Variants in NAV2 observed in about 807,000 individuals in gnomAD.
NAV2 encodes neuron navigator 2.
NAV2 carries 54 observed loss-of-function variants against 223.2 expected under a neutral mutation model. That is an observed-to-expected ratio of 0.24 (90% confidence interval 0.19 to 0.30). The LOEUF (loss-of-function observed/expected upper bound fraction) is 0.30. NAV2 is among the 10% of genes least tolerant of loss of function. NAV2 has a pLI of 1.00. For synonymous variants in NAV2, 1,279 were observed against 1,239.3 expected (o/e 1.03, Z -0.67); for missense variants, 2,806 against 3,147.5 (o/e 0.89, Z 2.60).
intron 1 of NAV2, among the ~76,000 whole-genome samples, chr11:19,791,028 C>T (rs1296820153): frequency 1.3e-5 from 2 of 151,888 alleles, no homozygotes; most frequent in Non-Finnish European, 2.9e-5. Flanking sequence ...CTATTATTAT[C>T]CTAATATGAT....
At chr11:19,873,838 G>A (rs1030509918) in intron 4 of NAV2, among the ~76,000 whole-genome samples, 1 of 152,178 alleles carries the variant, frequency 6.6e-6, no homozygotes. Context: ...CAGACTTGGA[G>A]AGCAGCAAGA....
chr11:19,668,440 C>T (rs57360640), intron 1 of NAV2, among the ~76,000 whole-genome samples: 77 of 140,396 alleles, frequency 5.5e-4, no homozygotes, highest in African/African-American at 1.8e-3. Context: ...GGCTGAGGCA[C>T]GAGAATCTCT....
At chr11:20,022,749 A>G in intron 11 of NAV2, 1 of 1,098,214 alleles carries the variant, frequency 9.1e-7, no homozygotes, top group Non-Finnish European at 1.1e-6. Flanking sequence ...CGCTGTTGCA[A>G]ACTCCCCTGG....
At chr11:19,435,135 T>C (rs1293115467) in intron 1 of NAV2, among the ~76,000 whole-genome samples, 3 of 152,186 alleles carry the variant, frequency 2.0e-5, no homozygotes, top group African/African-American at 7.2e-5. Flanking sequence ...TTTTGAAATG[T>C]ACAATACATT....
At chr11:19,524,092 AC>A (rs2043767236) in intron 1 of NAV2, among the ~76,000 whole-genome samples, 1 of 151,758 alleles carries the variant, frequency 6.6e-6, no homozygotes, top group Admixed American at 6.6e-5. Context: ...CTGTTTGTTC[AC>A]CTCTCTATCT....
rs1361992418 is a variant in NAV2, at chr11:19,585,203, C to T, written c.75+234176C>T. On this transcript the variant is annotated intron_variant, in intron 1 of 37. Transcript: ENST00000360655. ...TTTATCAGAGACTAGGATTGCAACCCCTGCCTTTTTTTCTTTTCCATTTGC... is the reference window on the plus strand; with the variant it reads ...TTTATCAGAGACTAGGATTGCAACCTCTGCCTTTTTTTCTTTTCCATTTGC... 2.0e-5 allele frequency among the ~76,000 whole-genome samples: 3 copies of T among 152,188 alleles called. No individual in the cohort carries two copies. In the East Asian group the frequency reaches 5.8e-4, roughly 29 times the overall value.
chr11:19,521,103 A>C (rs551219911), intron 1 of NAV2, among the ~76,000 whole-genome samples: 2 of 152,300 alleles, frequency 1.3e-5, no homozygotes, highest in East Asian at 3.9e-4. Context: ...GGGCGTGGTG[A>C]TGGGCCTTGG....
chr11:19,745,002 A>C (rs551230745), intron 1 of NAV2, among the ~76,000 whole-genome samples: 1 of 152,330 alleles, frequency 6.6e-6, no homozygotes, highest in Non-Finnish European at 1.5e-5. Flanking sequence ...TGAAAGCATA[A>C]TTATTGGATC....
intron 1 of NAV2, among the ~76,000 whole-genome samples, chr11:19,529,060 G>GTT (rs2043941971): frequency 2.6e-5 from 4 of 152,102 alleles, no homozygotes; most frequent in African/African-American, 9.6e-5. Context: ...TGGCACGTGC[G>GTT]TGCACACACA....
At chr11:19,508,660 C>T (rs1354054663) in intron 1 of NAV2, among the ~76,000 whole-genome samples, 3 of 152,178 alleles carry the variant, frequency 2.0e-5, no homozygotes, top group Non-Finnish European at 4.4e-5. Flanking sequence ...CCAACAGCCA[C>T]CTGTCTGCCT....
In NAV2 at chr11:19,815,124, G is replaced by A. The variant is rs114134045; in HGVS notation, c.268-17360G>A. On this transcript the variant is annotated intron_variant, in intron 1 of 37. Coordinates refer to ENST00000349880, the MANE Select transcript of NAV2 (RefSeq NM_145117.5). ...TAAGAACGATGTGGGTATGAAAGGTGTAGGGAAAAAAACCCCTGCATGAAG... is the reference window on the plus strand; with the variant it reads ...TAAGAACGATGTGGGTATGAAAGGTATAGGGAAAAAAACCCCTGCATGAAG... 3.6e-3 allele frequency among the ~76,000 whole-genome samples: 548 copies of A among 152,258 alleles called. 1 individual carries two copies. Among genetic ancestry groups the A allele is most frequent in the African/African-American group, 0.013 (521 of 41,538 alleles).
chr11:19,461,232 G>A (rs1297282530), intron 1 of NAV2, among the ~76,000 whole-genome samples: 1 of 152,136 alleles, frequency 6.6e-6, no homozygotes, highest in East Asian at 1.9e-4. Flanking sequence ...TTCTCAGCCT[G>A]CACAGAATGA....
intron 1 of NAV2, among the ~76,000 whole-genome samples, chr11:19,530,333 G>A (rs1014610559): frequency 1.3e-5 from 2 of 152,196 alleles, no homozygotes; most frequent in Non-Finnish European, 2.9e-5. Context: ...TGGGCATCAC[G>A]AGGCAGGGAC....
intron 11 of NAV2, among the ~76,000 whole-genome samples, chr11:20,014,528 G>A (rs2153518047): frequency 6.6e-6 from 1 of 152,258 alleles, no homozygotes; most frequent in East Asian, 1.9e-4. Context: ...GCCAGGGTGA[G>A]AGGATTGCTT....
At chr11:20,106,354 T>G (rs878857478) in intron 35 of NAV2, among the ~76,000 whole-genome samples, 1 of 146,708 alleles carries the variant, frequency 6.8e-6, no homozygotes, top group African/African-American at 2.5e-5. Flanking sequence ...AAGTTAAGAG[T>G]TCGAAACCAG....
At chr11:19,610,647 C>T (rs2046611688) in intron 1 of NAV2, among the ~76,000 whole-genome samples, 1 of 152,174 alleles carries the variant, frequency 6.6e-6, no homozygotes, top group African/African-American at 2.4e-5. Flanking sequence ...AGCTTCAGAG[C>T]AGCAGAATGT....
rs376431937 is a variant in NAV2, at chr11:19,480,482, C to G, written c.75+129455C>G. Among the ~76,000 whole-genome samples, 3 of 152,294 alleles carry G rather than the reference C, an allele frequency of 2.0e-5. No individual in the cohort carries two copies. In the East Asian group the frequency reaches 5.8e-4, roughly 29 times the overall value. On this transcript the variant is annotated intron_variant, in intron 1 of 37. Coordinates refer to the NAV2 transcript ENST00000360655. ...ACTTCAGTCAGAGGGATGGATGCCC[C>G]TTCTCCTGAGCGGTGGCGGTGGTGG...
chr11:19,345,702 CG>C, the NAV2 span, among the ~76,000 whole-genome samples: 1 of 152,232 alleles, frequency 6.6e-6, no homozygotes, highest in East Asian at 1.9e-4. The surrounding 1 kb of genome is among the most constrained non-coding windows in gnomAD (Gnocchi z 5.2). Context: ...CGCAGTGCTC[CG>C]AGGCTGCTCT....
chr11:20,031,442 A>G (rs2055721817), intron 11 of NAV2, among the ~76,000 whole-genome samples: 1 of 152,182 alleles, frequency 6.6e-6, no homozygotes, highest in South Asian at 2.1e-4. Context: ...CTGACTCTCA[A>G]CCACATATCT....
Sources: allele counts gnomAD v4.1 joint callset (sites outside exome capture counted in the v4.1 genomes callset), GRCh38; gene constraint gnomAD v4.1.1; non-coding constraint Gnocchi (gnomAD v3.1); transcripts MANE v1.5; gene names NCBI Gene and HGNC (gene_info 2026-07-23, HGNC 2026-07-21).